NACC2: variants seen among roughly 807,000 people sequenced by gnomAD.
NACC2 encodes the protein NACC family member 2.
A neutral mutation model predicts 25.1 loss-of-function variants in NACC2; 8 were observed. The observed-to-expected ratio is 0.32, with a 90% CI of 0.19 to 0.57. The LOEUF (loss-of-function observed/expected upper bound fraction) is 0.57. NACC2 is among the 20% of genes least tolerant of loss of function. The pLI, the probability that NACC2 is intolerant of heterozygous loss-of-function variation, is 0.89. For missense variants in NACC2, 644 were observed against 650.2 expected (o/e 0.99, Z 0.10); for synonymous variants, 435 against 294.7 (o/e 1.48, Z -4.88).
intron 1 of NACC2, among the ~76,000 whole-genome samples, chr9:136,067,704 G>A (rs55795218): frequency 0.019 from 2,867 of 152,210 alleles, 63 homozygotes; most frequent in Admixed American, 0.044. Context: ...GCGTGGTGGC[G>A]GGCACCTGTA....
chr9:136,075,610 G>A (rs1054250060), intron 1 of NACC2, among the ~76,000 whole-genome samples: 3 of 152,236 alleles, frequency 2.0e-5, no homozygotes, highest in East Asian at 1.9e-4. Flanking sequence ...GTTCGGGGTC[G>A]CAGGTCCTGC....
chr9:136,024,533 G>GTGTGTGTGT (rs770978573), intron 2 of NACC2, among the ~76,000 whole-genome samples: 3 of 106,626 alleles, frequency 2.8e-5, no homozygotes, highest in Non-Finnish European at 5.8e-5. Flanking sequence ...GTGTGTGTGT[G>GTGTGTGTGT]GACAGTGTGT....
intron 1 of NACC2, among the ~76,000 whole-genome samples, chr9:136,053,930 C>T (rs1319112481): frequency 6.6e-6 from 1 of 152,210 alleles, no homozygotes; most frequent in African/African-American, 2.4e-5. Flanking sequence ...CCTGTCCCTT[C>T]CAGCAGCAAG....
At chr9:136,043,222 CCCA>C (rs1840671691) in intron 2 of NACC2, among the ~76,000 whole-genome samples, 1 of 152,180 alleles carries the variant, frequency 6.6e-6, no homozygotes, top group Admixed American at 6.5e-5. Context: ...GCCCGCAATA[CCCA>C]TATGTGAACT....
intron 2 of NACC2, among the ~76,000 whole-genome samples, chr9:136,023,030 T>A (rs149760496): frequency 0.043 from 668 of 15,646 alleles, 7 homozygotes; most frequent in Non-Finnish European, 0.061. Flanking sequence ...GACATTCACA[T>A]CAGGAAGGAG....
In NACC2 at chr9:136,086,424, G is replaced by A. The variant is rs1221093973; in HGVS notation, c.-60+8765C>T. Among the ~76,000 whole-genome samples, 1 of 152,148 alleles carries A rather than the reference G, an allele frequency of 6.6e-6. No homozygotes were observed. Among genetic ancestry groups the A allele is most frequent in the Non-Finnish European group, 1.5e-5 (1 of 68,002 alleles). The stretch of plus-strand genomic sequence containing the variant: ...TGCTGGTCTGGATGGCACCGGGCCT[G>A]GCTCTTGAGGTCCCAGGTCTGCGAG... On this transcript the variant is annotated intron_variant, in intron 1 of 5. Coordinates refer to ENST00000277554, the MANE Select transcript of NACC2 (RefSeq NM_144653.5). This position sits in a 1 kb window ranked among gnomAD's most constrained non-coding sequence, Gnocchi z 5.6.
intron 2 of NACC2, among the ~76,000 whole-genome samples, chr9:136,045,984 G>A (rs957072234): frequency 6.6e-5 from 10 of 152,166 alleles, no homozygotes; most frequent in African/African-American, 1.9e-4. Context: ...ACGTTCAGAT[G>A]CCCCCGAGCC....
intron 1 of NACC2, among the ~76,000 whole-genome samples, chr9:136,073,983 C>T (rs1830228174): frequency 1.3e-5 from 2 of 152,102 alleles, no homozygotes; most frequent in Admixed American, 6.5e-5. Context: ...GCACAGACTC[C>T]GTCATGTCCT....
rs527837336 is a variant in NACC2, at chr9:136,031,398, C to T, written c.887-14969G>A. Among the ~76,000 whole-genome samples, 361 of 152,228 alleles carry T rather than the reference C, an allele frequency of 2.4e-3. 2 individuals are homozygous for T. The highest frequency in any genetic ancestry group is 8.3e-3 in the African/African-American group (344 of 41,534). ...CATCACCCAGGCTGGGGTGCAGTGG[C>T]ACAATCTCGGCTCACTGCAAACTCT... On this transcript the variant is annotated intron_variant, in intron 2 of 5. Coordinates refer to ENST00000277554, the MANE Select transcript of NACC2 (RefSeq NM_144653.5).
At chr9:136,012,050 C>T (rs779620527) in intron 5 of NACC2, 26 bp from the exon 6 acceptor site, 123 of 1,492,608 alleles carry the variant, frequency 8.2e-5, no homozygotes, top group African/African-American at 2.8e-5. Context: ...GGCGTGAGCT[C>T]AGCCACCTGC....
intron 2 of NACC2, among the ~76,000 whole-genome samples, chr9:136,037,192 A>G (rs1840566637): frequency 6.6e-6 from 1 of 152,206 alleles, no homozygotes; most frequent in Admixed American, 6.5e-5. Context: ...TATTTTATGC[A>G]AGGTTTACCT....
chr9:136,093,289 A>T (rs966807593), intron 1 of NACC2, among the ~76,000 whole-genome samples: 10 of 152,246 alleles, frequency 6.6e-5, no homozygotes, highest in Non-Finnish European at 1.3e-4. Context: ...TGAATAATGC[A>T]GCCTCATGCT....
chr9:136,051,150 C>A (rs896017160), intron 1 of NACC2, among the ~76,000 whole-genome samples: 6,528 of 152,262 alleles, frequency 0.043, 176 homozygotes, highest in African/African-American at 0.075. Context: ...GTCCCCTAGT[C>A]CCCCTGAGCC....
chr9:136,013,501 T>C lies in NACC2; in HGVS notation c.1158-205A>G, dbSNP rs1489018304. 2.0e-5 allele frequency among the ~76,000 whole-genome samples: 3 copies of C among 152,046 alleles called. No homozygotes were observed. Among genetic ancestry groups the C allele is most frequent in the African/African-American group, 7.3e-5 (3 of 41,378 alleles). ...CGTCTGGGCTGAGAAGATGACCGGG[T>C]GATGGGGCTGCAAGGTGACCTGAGC... On this transcript the variant is annotated intron_variant, in intron 4 of 5. Transcript: ENST00000277554. This position sits in a 1 kb window ranked among gnomAD's most constrained non-coding sequence, Gnocchi z 6.6.
intron 1 of NACC2, among the ~76,000 whole-genome samples, chr9:136,066,944 G>T (rs61360488): frequency 0.37 from 53,324 of 142,536 alleles, 10,058 homozygotes; most frequent in Non-Finnish European, 0.43. Flanking sequence ...CATTTAAAAA[G>T]ATTAAAAAAA....
At chr9:136,023,757 A>C (rs1437742605) in intron 2 of NACC2, among the ~76,000 whole-genome samples, 1 of 152,244 alleles carries the variant, frequency 6.6e-6, no homozygotes, top group Non-Finnish European at 1.5e-5. Flanking sequence ...GTCCAGCCAT[A>C]GGCACAGGTT....
At chr9:136,074,791 C>A (rs1267499443) in intron 1 of NACC2, among the ~76,000 whole-genome samples, 1 of 152,054 alleles carries the variant, frequency 6.6e-6, no homozygotes, top group African/African-American at 2.4e-5. Flanking sequence ...CATTCTGTTC[C>A]CAGCTCACCT....
intron 2 of NACC2, among the ~76,000 whole-genome samples, chr9:136,036,700 A>G (rs942815699): frequency 6.6e-6 from 1 of 152,240 alleles, no homozygotes; most frequent in African/African-American, 2.4e-5. Flanking sequence ...GAGCATGAAG[A>G]AACCACAGCA....
chr9:136,082,233 T>A (rs1830331577), intron 1 of NACC2, among the ~76,000 whole-genome samples: 1 of 152,122 alleles, frequency 6.6e-6, no homozygotes, highest in Non-Finnish European at 1.5e-5. Context: ...CTCAGGACCA[T>A]CGGTGTGGCC....
Sources: gnomAD v4.1 joint callset for allele counts (sites outside exome capture counted in the v4.1 genomes callset) on GRCh38, gnomAD v4.1.1 for gene constraint, Gnocchi (gnomAD v3.1) non-coding constraint, MANE v1.5 for transcripts, NCBI Gene and HGNC (gene_info 2026-07-23, HGNC 2026-07-21) for gene names.